CFAP300: variants seen among roughly 807,000 people sequenced by gnomAD.
CFAP300 encodes the protein cilia and flagella associated protein 300.
In CFAP300, 32 loss-of-function variants were observed where a neutral mutation model predicts 33.0. The ratio of observed to expected loss-of-function variants is 0.97; its 90% CI spans 0.73 to 1.30. CFAP300 has a LOEUF of 1.30. CFAP300 is among the 50% of genes most tolerant of loss of function. CFAP300 has a pLI of 0.00. For missense variants in CFAP300, 356 were observed against 318.1 expected, an observed-to-expected ratio of 1.12 and a Z score of -0.90; for synonymous variants, 102 against 106.8, an observed-to-expected ratio of 0.95 and a Z score of 0.28.
chr11:102,075,050 C>T (rs1301296684), intron 4 of CFAP300, among the ~76,000 whole-genome samples: 1 of 152,094 alleles, frequency 6.6e-6, no homozygotes, highest in Non-Finnish European at 1.5e-5. Flanking sequence ...GCAAGAAGGT[C>T]ACTTGAGCCC....
intron 5 of CFAP300, among the ~76,000 whole-genome samples, chr11:102,078,482 C>T (rs1217788385): frequency 1.3e-5 from 2 of 152,232 alleles, no homozygotes; most frequent in East Asian, 3.9e-4. Flanking sequence ...ATCAATATCA[C>T]TTTATATTTC....
At chr11:102,080,543 G>A (rs550767002) in intron 5 of CFAP300, among the ~76,000 whole-genome samples, 113 of 151,880 alleles carry the variant, frequency 7.4e-4, no homozygotes, top group Non-Finnish European at 1.3e-3. Flanking sequence ...TCAGCCTCCC[G>A]AGTACCTGGG....
intron 6 of CFAP300, among the ~76,000 whole-genome samples, chr11:102,081,759 G>A (rs944425586): frequency 5.3e-5 from 8 of 151,996 alleles, no homozygotes; most frequent in African/African-American, 1.9e-4. Context: ...GGGCATGGTG[G>A]CACGCGCCTG....
At chr11:102,056,948 A>G (rs1942068523) in intron 2 of CFAP300, among the ~76,000 whole-genome samples, 1 of 151,840 alleles carries the variant, frequency 6.6e-6, no homozygotes, top group South Asian at 2.1e-4. Flanking sequence ...TTATATGCCT[A>G]TTTTTATCCT....
intron 2 of CFAP300, among the ~76,000 whole-genome samples, chr11:102,054,918 C>G (rs184124739): frequency 6.6e-6 from 1 of 151,902 alleles, no homozygotes; most frequent in African/African-American, 2.4e-5. Context: ...TACTCCTACT[C>G]CCTACCCTCT....
At chr11:102,078,898 C>CG (rs1323884900) in intron 5 of CFAP300, among the ~76,000 whole-genome samples, 13 of 151,884 alleles carry the variant, frequency 8.6e-5, no homozygotes, top group Non-Finnish European at 1.9e-4. Flanking sequence ...TTTGTAGAGG[C>CG]GGGGTTTCAC....
At chr11:102,060,622 A>T (rs950805604) in intron 3 of CFAP300, among the ~76,000 whole-genome samples, 8 of 152,182 alleles carry the variant, frequency 5.3e-5, no homozygotes, top group African/African-American at 1.9e-4. Context: ...TTAGGTTGAG[A>T]TTATCTTAGC....
chr11:102,050,879 A>G (rs1941959096), intron 2 of CFAP300, among the ~76,000 whole-genome samples: 1 of 152,224 alleles, frequency 6.6e-6, no homozygotes, highest in East Asian at 1.9e-4. Flanking sequence ...TTTAAGACAG[A>G]CTTTAAATGT....
intron 5 of CFAP300, among the ~76,000 whole-genome samples, chr11:102,079,530 A>G (rs1942444839): frequency 6.6e-6 from 1 of 152,188 alleles, no homozygotes; most frequent in African/African-American, 2.4e-5. Context: ...TGAAATGGCT[A>G]TGGCTGGTCA....
At chr11:102,065,207 C>T (rs749556596) in intron 3 of CFAP300, among the ~76,000 whole-genome samples, 3 of 151,888 alleles carry the variant, frequency 2.0e-5, no homozygotes, top group Admixed American at 6.6e-5. Context: ...CCCAGCCTCC[C>T]GAATAGCTGG....
intron 3 of CFAP300, among the ~76,000 whole-genome samples, chr11:102,060,234 A>G (rs954849835): frequency 6.6e-5 from 10 of 151,750 alleles, no homozygotes; most frequent in Non-Finnish European, 1.5e-5. Flanking sequence ...TGGCCTCCCA[A>G]AGTGCTGAGA....
rs1017038805 is a variant in CFAP300 at position 102,084,529 on chromosome 11, T to A, written c.*1330T>A. 1.5e-4 allele frequency: 23 copies of A among 152,232 alleles called. No individual in the cohort carries two copies. The highest frequency in any genetic ancestry group is 4.1e-4 in the South Asian group (2 of 4,830). 9.4% of individuals were successfully genotyped at this position (152,232 alleles called of 1,614,324 possible). A position where few individuals can be genotyped will look rare whatever the true frequency, so the allele number is the denominator to read the frequency against. On this transcript the variant is annotated 3_prime_UTR_variant, in exon 7 of 7. Transcript: ENST00000434758. ...TCCTCATAATACCCATAGATTTTTT[T>A]AAATTACATAAAAACATAAAATCAA...
chr11:102,048,278 C>T (rs957873273), intron 2 of CFAP300, among the ~76,000 whole-genome samples: 1 of 152,086 alleles, frequency 6.6e-6, no homozygotes, highest in Admixed American at 6.6e-5. Flanking sequence ...GTCACCCAGG[C>T]TGAATAAAGT....
chr11:102,076,039 T>C lies in CFAP300; in HGVS notation c.602T>C (p.Leu201Pro). 1 of 1,607,722 alleles carries C rather than the reference T, an allele frequency of 6.2e-7. No homozygotes were observed. Among genetic ancestry groups the C allele is most frequent in the Non-Finnish European group, 8.5e-7 (1 of 1,178,248 alleles). The change falls in exon 5 of 7, where the codon CTG becomes CCG. Residue 201 changes from leucine to proline, a missense_variant. Coordinates refer to ENST00000434758, the MANE Select transcript of CFAP300 (RefSeq NM_032930.3). ...ACAACAAAGCTTATCTATAAGGATC[T>C]GGTGAGGTAATGTTGCTAGATCACA... Reference protein sequence around the residue: ...LETTKLIYKDLVSVRKNPQTK... With the variant: ...LETTKLIYKDPVSVRKNPQTK...
At chr11:102,065,841 C>T (rs1243310324) in intron 3 of CFAP300, among the ~76,000 whole-genome samples, 1 of 151,962 alleles carries the variant, frequency 6.6e-6, no homozygotes, top group East Asian at 1.9e-4. Context: ...AATTCCTATG[C>T]TTTTATAGGC....
chr11:102,075,957 C>T lies in CFAP300; in HGVS notation c.520C>T (p.Leu174Phe), dbSNP rs747400996. 3 of 1,613,886 alleles carry T rather than the reference C, an allele frequency of 1.9e-6. No homozygotes were observed. The highest frequency in any genetic ancestry group is 1.7e-5 in the Admixed American group (1 of 59,980). ...EEFLFCLFKH[L>F]CLGGALCQYE... ...GTTCCTGTTTTGTCTTTTCAAACAT[C>T]TTTGCCTTGGTGGAGCCCTTTGTCA... Residue 174 changes from leucine to phenylalanine, a missense_variant, in exon 5 of 7, where the codon CTT becomes TTT. By Grantham distance (22) the Leu-to-Phe change is conservative. Coordinates refer to ENST00000434758, the MANE Select transcript of CFAP300 (RefSeq NM_032930.3).
chr11:102,081,068 G>C, intron 5 of CFAP300, 147 bp from the exon 6 acceptor site: 1 of 527,090 alleles, frequency 1.9e-6, no homozygotes, highest in Non-Finnish European at 3.2e-6. Context: ...AGCCTCAGAT[G>C]CCATTTTTTC....
In CFAP300 at chr11:102,082,390, TA is replaced by T. The variant is rs764633540; in HGVS notation, c.676-670del. Among the ~76,000 whole-genome samples, 448 of 144,228 alleles carry T rather than the reference TA, an allele frequency of 3.1e-3. 1 individual carries two copies. The highest frequency in any genetic ancestry group is 9.7e-3 in the African/African-American group (383 of 39,288). 94.6% of individuals were successfully genotyped at this position (144,228 alleles called of 152,430 possible). A position where few individuals can be genotyped will look rare whatever the true frequency, so the allele number is the denominator to read the frequency against. ...TAAGACTCCAACTCCAAAAAAAATT[TA>T]AAAAAAAAAAGAGAAAACAAAGATA... is the stretch of plus-strand genomic sequence containing the variant. On this transcript the variant is annotated intron_variant, in intron 6 of 6. Transcript: ENST00000434758.
intron 3 of CFAP300, 94 bp from the exon 4 acceptor site, chr11:102,066,391 C>T: frequency 1.3e-6 from 1 of 771,678 alleles, no homozygotes. Flanking sequence ...TTGTTAACTT[C>T]TTAGAATTTC....
Sources: allele counts gnomAD v4.1 joint callset (sites outside exome capture counted in the v4.1 genomes callset), GRCh38; gene constraint gnomAD v4.1.1; transcripts MANE v1.5; gene names NCBI Gene and HGNC (gene_info 2026-07-23, HGNC 2026-07-21).